AP2M1: variants seen among roughly 807,000 people sequenced by gnomAD.
The protein encoded by AP2M1 is adaptor related protein complex 2 subunit mu 1.
Under a neutral mutation model 54.5 loss-of-function variants are expected in AP2M1, and 5 were observed. The ratio of observed to expected loss-of-function variants is 0.09; its 90% CI spans 0.05 to 0.19. AP2M1 has a LOEUF of 0.19. Among genes scored for constraint, AP2M1 ranks in the 10% least tolerant of loss-of-function variants. AP2M1 has a pLI of 1.00. For missense variants in AP2M1, 178 were observed against 580.2 expected (o/e 0.31, Z 7.12); for synonymous variants, 186 against 208.2 (o/e 0.89, Z 0.92).
chr3:184,177,108 G>C (rs1229782997), intron 2 of AP2M1, 41 bp downstream of exon 2: 18 of 1,583,850 alleles, frequency 1.1e-5, no homozygotes, highest in Non-Finnish European at 1.4e-5. Context: ...CACCACTCCA[G>C]CCCCCCAGCC....
Position 184,183,724 on chromosome 3 carries a change from C to T in AP2M1, c.*108C>T, listed in dbSNP as rs1171336358. 5.3e-6 allele frequency: 7 copies of T among 1,325,708 alleles called. No individual in the cohort carries two copies. The East Asian group carries it at 1.7e-4, about 33-fold the overall frequency. The allele number at this position is 1,325,708 out of a possible 1,614,324, so 82.1% of individuals were successfully genotyped here. A position where few individuals can be genotyped will look rare whatever the true frequency, so the allele number is the denominator to read the frequency against. ...TGTCTCCTCCCTCCTGCTTTGCTGC[C>T]TTCCCTTTGCACCAGCCCGAGTCTA... On this transcript the variant is annotated 3_prime_UTR_variant, in exon 12 of 12. Transcript: ENST00000292807. This position sits in a 1 kb window ranked among gnomAD's most constrained non-coding sequence, Gnocchi z 5.7.
At chr3:184,176,867 A>C in intron 1 of AP2M1, 84 bp from the exon 2 acceptor site, 1 of 929,690 alleles carries the variant, frequency 1.1e-6, no homozygotes, top group East Asian at 2.9e-5. Context: ...GTCAGGAAAG[A>C]AGCTCCAGTG....
In AP2M1 at chr3:184,184,019, G is replaced by A. The variant is rs185763033; in HGVS notation, c.*403G>A. 1.0e-5 allele frequency: 2 copies of A among 200,450 alleles called. No individual in the cohort carries two copies. Among genetic ancestry groups the A allele is most frequent in the Non-Finnish European group, 2.1e-5 (2 of 94,640 alleles). 12.4% of individuals were successfully genotyped at this position (200,450 alleles called of 1,614,324 possible). ...CGGCCTCAGTCCCTACTCTGCTTTGGGATAGTGTGAGCTTCATTTTGTACA... is the reference window on the plus strand; with the variant it reads ...CGGCCTCAGTCCCTACTCTGCTTTGAGATAGTGTGAGCTTCATTTTGTACA... On this transcript the variant is annotated 3_prime_UTR_variant, in exon 12 of 12. Coordinates refer to ENST00000292807, the MANE Select transcript of AP2M1 (RefSeq NM_004068.4).
At position 184,181,915 on chromosome 3, in the gene AP2M1, T is replaced by C; in HGVS notation, c.831T>C (p.Tyr277=). 1.2e-6 allele frequency: 2 copies of C among 1,614,098 alleles called. No individual in the cohort carries two copies. Among genetic ancestry groups the C allele is most frequent in the Non-Finnish European group, 1.7e-6 (2 of 1,179,968 alleles). ...PPDGEFELMR[Y]RTTKDIILPF... is the part of the protein sequence containing the mutation. ...ACCTTGCTTCCCATCCCTTAAGGTA[T>C]CGCACAACCAAGGACATCATCCTTC... Residue 277 remains tyrosine, a synonymous_variant, in exon 9 of 12, where the codon TAT becomes TAC. Transcript: ENST00000292807. The surrounding 1 kb of genome is among the most constrained non-coding windows in gnomAD (Gnocchi z 5.7).
At chr3:184,179,994 G>T (rs1715218551) in intron 3 of AP2M1, 175 bp from the exon 4 acceptor site, 2 of 646,664 alleles carry the variant, frequency 3.1e-6, no homozygotes, top group Non-Finnish European at 5.3e-6. Flanking sequence ...TCAAACATTT[G>T]AATTGTTTTC....
Position 184,178,361 on chromosome 3 carries a change from C to T in AP2M1, c.75-496C>T. 1 of 1,142,092 alleles carries T rather than the reference C, an allele frequency of 8.8e-7. No individual in the cohort carries two copies. The highest frequency in any genetic ancestry group is 2.6e-5 in the East Asian group (1 of 39,112). 70.7% of individuals were successfully genotyped at this position (1,142,092 alleles called of 1,614,324 possible). ...AAGAATGGGTAGCACAATTCCATGGCCCCTTGGTACTTCTCCCTCCTTTGT... is the reference window on the plus strand; with the variant it reads ...AAGAATGGGTAGCACAATTCCATGGTCCCTTGGTACTTCTCCCTCCTTTGT... On this transcript the variant is annotated intron_variant, in intron 2 of 11. Coordinates refer to ENST00000292807, the MANE Select transcript of AP2M1 (RefSeq NM_004068.4). The surrounding 1 kb of genome is among the most constrained non-coding windows in gnomAD (Gnocchi z 4.9).
chr3:184,178,175 T>C lies in AP2M1; in HGVS notation c.75-682T>C, dbSNP rs1251579927. ...CTCGTTGCTATCACTCTCCTCTTCT[T>C]GCTGGCGTCATTTCTCTCATCCCAT... is the stretch of plus-strand genomic sequence containing the variant. On this transcript the variant is annotated intron_variant, in intron 2 of 11. Coordinates refer to ENST00000292807, the MANE Select transcript of AP2M1 (RefSeq NM_004068.4). The surrounding 1 kb of genome is among the most constrained non-coding windows in gnomAD (Gnocchi z 4.9). The C allele has an allele frequency of 6.5e-7, 1 of 1,533,536 alleles. No individual in the cohort carries two copies. Among genetic ancestry groups the C allele is most frequent in the South Asian group, 1.2e-5 (1 of 84,004 alleles). 95.0% of individuals were successfully genotyped at this position (1,533,536 alleles called of 1,614,324 possible).
Position 184,180,230 on chromosome 3 carries a change from G to T in AP2M1, c.402G>T (p.Thr134=). The T allele has an allele frequency of 6.2e-7, 1 of 1,614,122 alleles. No individual in the cohort carries two copies. Residue 134 remains threonine (T), a synonymous_variant, in exon 4 of 12, where the codon ACG becomes ACT. Coordinates refer to ENST00000292807, the MANE Select transcript of AP2M1 (RefSeq NM_004068.4). This position sits in a 1 kb window ranked among gnomAD's most constrained non-coding sequence, Gnocchi z 4.9. The stretch of plus-strand genomic sequence containing the variant: ...CAGGCGCGCTGAAAACCTTCATCAC[G>T]CAGCAGGGCATCAAGAGTCAGGTAC... ...SETGALKTFI[T]QQGIKSQHQT...
chr3:184,180,494 G>T lies in AP2M1; in HGVS notation c.424-151G>T, dbSNP rs192171654. 1.4e-3 allele frequency: 1,803 copies of T among 1,268,414 alleles called. 5 individuals carry two copies. The highest frequency in any genetic ancestry group is 1.8e-3 in the Admixed American group (87 of 48,878). The allele number at this position is 1,268,414 out of a possible 1,614,324, so 78.6% of individuals were successfully genotyped here. ...GCAGTTTCCTTTTGCACTGAGGGGT[G>T]GGGGAGGAGGCCTGGTCTTGAGGCC... is the stretch of plus-strand genomic sequence containing the variant. On this transcript the variant is annotated intron_variant, in intron 4 of 11. Transcript: ENST00000292807. This position sits in a 1 kb window ranked among gnomAD's most constrained non-coding sequence, Gnocchi z 4.9.
Position 184,179,001 on chromosome 3 carries a change from C to T in AP2M1, c.219C>T (p.Val73=), listed in dbSNP as rs772071290. The change falls in exon 3 of 12, where the codon GTC becomes GTT. Residue 73 remains valine (V), a synonymous_variant. Transcript: ENST00000292807. ...IWLAAVTKQN[V]NAAMVFEFLY... is the part of the protein sequence containing the mutation. ...TGGCAGCAGTCACCAAGCAGAATGT[C>T]AACGCTGCCATGGTCTTCGAATTCC... is the stretch of plus-strand genomic sequence containing the variant. 1 of 1,614,186 alleles carries T rather than the reference C, an allele frequency of 6.2e-7. No homozygotes were observed. The highest frequency in any genetic ancestry group is 8.5e-7 in the Non-Finnish European group (1 of 1,180,034).
Position 184,183,181 on chromosome 3 carries a change from G to C in AP2M1, c.1174-301G>C. On this transcript the variant is annotated intron_variant, in intron 11 of 11. Coordinates refer to ENST00000292807, the MANE Select transcript of AP2M1 (RefSeq NM_004068.4). The surrounding 1 kb of genome is among the most constrained non-coding windows in gnomAD (Gnocchi z 5.7). ...AATGGGCTGACTTTGCTTTGCGCAT[G>C]TTAGACATAATTTTCTCCACCTTAT... 1.8e-6 allele frequency: 1 copy of C among 551,712 alleles called. No individual in the cohort carries two copies. Among genetic ancestry groups the C allele is most frequent in the Non-Finnish European group, 3.2e-6 (1 of 308,266 alleles). The allele number at this position is 551,712 out of a possible 1,614,324, so 34.2% of individuals were successfully genotyped here. A position where few individuals can be genotyped will look rare whatever the true frequency, so the allele number is the denominator to read the frequency against.
In AP2M1 at chr3:184,174,890, AG is replaced by A. The variant is rs1715006852; in HGVS notation, c.-108del. The A allele has an allele frequency of 1.0e-5, 4 of 398,448 alleles. No homozygotes were observed. In the East Asian group the frequency reaches 1.4e-4, roughly 14 times the overall value. 24.7% of individuals were successfully genotyped at this position (398,448 alleles called of 1,614,324 possible). On this transcript the variant is annotated 5_prime_UTR_variant, in exon 1 of 12. Transcript: ENST00000292807. The stretch of plus-strand genomic sequence containing the variant: ...AAGCCGAGGCAGCGGGCAGACGAGC[AG>A]GGGGCGGGCGGACATCTTGGGATCC...
chr3:184,181,709 A>G lies in AP2M1; in HGVS notation c.721A>G (p.Ile241Val). Residue 241 changes from isoleucine (I) to valine (V), a missense_variant, in exon 8 of 12, where the codon ATT becomes GTT. Physicochemically the swap from Ile to Val is conservative, Grantham distance 29. Coordinates refer to ENST00000292807, the MANE Select transcript of AP2M1 (RefSeq NM_004068.4). This position sits in a 1 kb window ranked among gnomAD's most constrained non-coding sequence, Gnocchi z 5.7. ...CCCTGCTTGCAGCGGGAAGCAATCA[A>G]TTGCCATTGATGACTGCACCTTCCA... The part of the protein sequence containing the change: ...DETSKSGKQS[I>V]AIDDCTFHQC... 6.2e-7 allele frequency: 1 copy of G among 1,613,932 alleles called. No individual in the cohort carries two copies. The highest frequency in any genetic ancestry group is 8.5e-7 in the Non-Finnish European group (1 of 1,179,870).
intron 2 of AP2M1, chr3:184,177,566 C>G (rs1443754853): frequency 2.0e-6 from 3 of 1,536,060 alleles, no homozygotes; most frequent in Non-Finnish European, 2.6e-6. Flanking sequence ...GCTGACTCAG[C>G]TGTCTTCAGT....
At position 184,178,751 on chromosome 3, in the gene AP2M1, A is replaced by T. The variant is rs1366933368; in HGVS notation, c.75-106A>T. The T allele has an allele frequency of 2.8e-5, 39 of 1,397,262 alleles. No homozygotes were observed. Among genetic ancestry groups the T allele is most frequent in the Non-Finnish European group, 3.5e-5 (36 of 1,022,188 alleles). 86.6% of individuals were successfully genotyped at this position (1,397,262 alleles called of 1,614,324 possible). ...TGGCTTTCTTTGGAGTGTGTGTGTC[A>T]GACTTCTGCAGAAAGGAGGGTGGGG... On this transcript the variant is annotated intron_variant, in intron 2 of 11. Transcript: ENST00000292807. This position sits in a 1 kb window ranked among gnomAD's most constrained non-coding sequence, Gnocchi z 4.9.
rs1268043219 is a variant in AP2M1 at position 184,183,827 on chromosome 3, C to G, written c.*211C>G. On this transcript the variant is annotated 3_prime_UTR_variant, in exon 12 of 12. Transcript: ENST00000292807. The surrounding 1 kb of genome is among the most constrained non-coding windows in gnomAD (Gnocchi z 5.7). ...CCTGGGCAGGGGAGTTCTGAGGCTC[C>G]TGCTCTCCCATCCACCTGTCTGTCC... is the stretch of plus-strand genomic sequence containing the variant. 1.8e-6 allele frequency: 1 copy of G among 557,894 alleles called. No homozygotes were observed. Among genetic ancestry groups the G allele is most frequent in the Non-Finnish European group, 3.2e-6 (1 of 314,502 alleles). 34.6% of individuals were successfully genotyped at this position (557,894 alleles called of 1,614,324 possible).
rs1715160527 is a variant in AP2M1 at position 184,178,455 on chromosome 3, T to C, written c.75-402T>C. Among the ~76,000 whole-genome samples the C allele has an allele frequency of 6.6e-6, 1 of 152,194 alleles. No individual in the cohort carries two copies. Among genetic ancestry groups the C allele is most frequent in the African/African-American group, 2.4e-5 (1 of 41,444 alleles). Reference sequence around the variant, plus strand: ...CGGCCCTCCCCACTGGTGGGATCACTAGCGGGAGGACTGAAGAAGCAGTGT... The same window carrying C: ...CGGCCCTCCCCACTGGTGGGATCACCAGCGGGAGGACTGAAGAAGCAGTGT... On this transcript the variant is annotated intron_variant, in intron 2 of 11. Transcript: ENST00000292807. This position sits in a 1 kb window ranked among gnomAD's most constrained non-coding sequence, Gnocchi z 4.9.
intron 2 of AP2M1, chr3:184,177,796 A>C: frequency 1.6e-6 from 1 of 614,380 alleles, no homozygotes; most frequent in Non-Finnish European, 2.8e-6. Flanking sequence ...GAGGCGCTAA[A>C]GAGTAGGCTC....
intron 3 of AP2M1, 94 bp downstream of exon 3, chr3:184,179,216 T>C (rs1308396192): frequency 2.3e-5 from 34 of 1,470,064 alleles, no homozygotes; most frequent in Non-Finnish European, 3.1e-5. Context: ...GAGGCTCTGG[T>C]ACACTCTGAA....
Sources: gnomAD v4.1 joint callset for allele counts (sites outside exome capture counted in the v4.1 genomes callset) on GRCh38, gnomAD v4.1.1 for gene constraint, Gnocchi (gnomAD v3.1) non-coding constraint, MANE v1.5 for transcripts, NCBI Gene and HGNC (gene_info 2026-07-23, HGNC 2026-07-21) for gene names.